The following KIF6 variants were observed in gnomAD, a reference collection of about 807,000 sequenced individuals.
KIF6 encodes kinesin family member 6.
KIF6 carries 106 observed loss-of-function variants against 112.7 expected under a neutral mutation model. The observed-to-expected ratio is 0.94, with a 90% CI of 0.80 to 1.11. The LOEUF (loss-of-function observed/expected upper bound fraction) is 1.11. Ranked by LOEUF, KIF6 falls within the 50% of genes least tolerant of loss-of-function variation. The pLI, the probability that KIF6 is intolerant of heterozygous loss-of-function variation, is 0.00. For synonymous variants in KIF6, 339 were observed against 339.9 expected (o/e 1.00, Z 0.03); for missense variants, 929 against 964.0 (o/e 0.96, Z 0.48).
chr6:39,630,654 T>A (rs1012449998), intron 5 of KIF6, among the ~76,000 whole-genome samples: 10 of 152,028 alleles, frequency 6.6e-5, no homozygotes, highest in Non-Finnish European at 1.0e-4. Flanking sequence ...TTCTTCCCAA[T>A]AACTTTAATT....
At chr6:39,392,082 T>C (rs1767942730) in intron 15 of KIF6, among the ~76,000 whole-genome samples, 1 of 152,220 alleles carries the variant, frequency 6.6e-6, no homozygotes, top group Admixed American at 6.5e-5. Flanking sequence ...GCTTTTATTG[T>C]AGGTGTTCTT....
At chr6:39,642,930 T>A (rs913020236) in intron 3 of KIF6, among the ~76,000 whole-genome samples, 2 of 152,052 alleles carry the variant, frequency 1.3e-5, no homozygotes, top group African/African-American at 4.8e-5. Context: ...CCAACAAACA[T>A]GTAGGGACCC....
Position 39,336,640 on chromosome 6 carries a change from C to T in KIF6, c.2429-92G>A, listed in dbSNP as rs1762922715. 6 of 1,148,866 alleles carry T rather than the reference C, an allele frequency of 5.2e-6. 1 individual carries two copies. In the Middle Eastern group the frequency reaches 5.7e-4, roughly 110 times the overall value. 71.2% of individuals were successfully genotyped at this position (1,148,866 alleles called of 1,614,324 possible). On this transcript the variant is annotated intron_variant, in intron 22 of 22. Coordinates refer to ENST00000287152, the MANE Select transcript of KIF6 (RefSeq NM_145027.6). ...ATCGGGGGGAGGGGAGGCCACCAGCCACTCCCCCTGGGTCTTGGGCACTGC... is the reference window on the plus strand; with the variant it reads ...ATCGGGGGGAGGGGAGGCCACCAGCTACTCCCCCTGGGTCTTGGGCACTGC...
chr6:39,442,805 C>T (rs1772002636), intron 13 of KIF6, among the ~76,000 whole-genome samples: 1 of 152,142 alleles, frequency 6.6e-6, no homozygotes, highest in South Asian at 2.1e-4. Context: ...CAGCAGTTTT[C>T]TTCAGCTTAG....
At chr6:39,717,815 G>C (rs1036443662) in intron 2 of KIF6, among the ~76,000 whole-genome samples, 2 of 152,110 alleles carry the variant, frequency 1.3e-5, no homozygotes, top group Non-Finnish European at 2.9e-5. Context: ...ATATGTGTAA[G>C]TTGAATATTT....
chr6:39,660,776 T>C (rs1052809396), intron 3 of KIF6, among the ~76,000 whole-genome samples: 6 of 152,206 alleles, frequency 3.9e-5, no homozygotes, highest in African/African-American at 1.4e-4. Flanking sequence ...TAGATTAATG[T>C]GATCCAGAAG....
intron 3 of KIF6, among the ~76,000 whole-genome samples, chr6:39,675,413 C>A (rs996720743): frequency 6.6e-6 from 1 of 152,076 alleles, no homozygotes; most frequent in Non-Finnish European, 1.5e-5. Context: ...TTGTACTACC[C>A]AAATGTCATG....
intron 3 of KIF6, among the ~76,000 whole-genome samples, chr6:39,708,769 C>T (rs906536982): frequency 1.3e-5 from 2 of 152,064 alleles, no homozygotes; most frequent in Non-Finnish European, 2.9e-5. Flanking sequence ...CTCCCTAAGT[C>T]TTTGAATGAA....
chr6:39,471,891 C>T (rs1774136191), intron 13 of KIF6, among the ~76,000 whole-genome samples: 1 of 152,160 alleles, frequency 6.6e-6, no homozygotes, highest in South Asian at 2.1e-4. Flanking sequence ...ATGTCCCTTA[C>T]TTCTTCCATT....
intron 3 of KIF6, among the ~76,000 whole-genome samples, chr6:39,660,140 G>A (rs1290990261): frequency 1.3e-5 from 2 of 152,100 alleles, no homozygotes; most frequent in African/African-American, 4.8e-5. Flanking sequence ...GTGAGACCCT[G>A]TCTCTAAAAT....
chr6:39,600,028 A>T (rs1427696259), intron 6 of KIF6, among the ~76,000 whole-genome samples: 7 of 152,166 alleles, frequency 4.6e-5, no homozygotes. Context: ...AAAATTTCTT[A>T]AACCTCAGAA....
intron 14 of KIF6, among the ~76,000 whole-genome samples, chr6:39,424,375 T>C (rs1485995385): frequency 6.6e-6 from 1 of 152,254 alleles, no homozygotes; most frequent in East Asian, 1.9e-4. Context: ...AATTGCCTGT[T>C]TACTTGTTTG....
intron 13 of KIF6, among the ~76,000 whole-genome samples, chr6:39,436,256 G>A (rs1771521843): frequency 6.6e-6 from 1 of 151,906 alleles, no homozygotes; most frequent in Non-Finnish European, 1.5e-5. Flanking sequence ...GTAGATTCTG[G>A]ATATTACTGC....
At position 39,456,366 on chromosome 6, in the gene KIF6, G is replaced by A. The variant is rs1206052215; in HGVS notation, c.1646-25205C>T. Among the ~76,000 whole-genome samples, 378 of 126,318 alleles carry A rather than the reference G, an allele frequency of 3.0e-3. 7 individuals carry two copies. The highest frequency in any genetic ancestry group is 4.2e-3 in the Non-Finnish European group (255 of 60,486). The allele number at this position is 126,318 out of a possible 152,430, so 82.9% of individuals were successfully genotyped here. A position where few individuals can be genotyped will look rare whatever the true frequency, so the allele number is the denominator to read the frequency against. Reference sequence around the variant, plus strand: ...GGCCTGCCCTAAAAGAGCTCCTGAAGGAAGCGCTAAACATGGAAAGGAACA... The same window carrying A: ...GGCCTGCCCTAAAAGAGCTCCTGAAAGAAGCGCTAAACATGGAAAGGAACA... On this transcript the variant is annotated intron_variant, in intron 13 of 22. Transcript: ENST00000287152.
chr6:39,700,552 A>G lies in KIF6; in HGVS notation c.251+14140T>C, dbSNP rs1445286532. 5.9e-5 allele frequency among the ~76,000 whole-genome samples: 9 copies of G among 152,224 alleles called. No individual in the cohort carries two copies. In the East Asian group the frequency reaches 1.7e-3, roughly 29 times the overall value. ...TCCTGTCACTTGTGGAGGTTGAACA[A>G]GAAACTGAAAGAAGCTTCATGGTAA... On this transcript the variant is annotated intron_variant, in intron 3 of 22. Coordinates refer to ENST00000287152, the MANE Select transcript of KIF6 (RefSeq NM_145027.6).
At chr6:39,431,410 T>A in intron 13 of KIF6, 1 of 366,246 alleles carries the variant, frequency 2.7e-6, no homozygotes, top group South Asian at 8.2e-5. Context: ...GGGGCGGGGT[T>A]TGGAATGCCT....
intron 4 of KIF6, among the ~76,000 whole-genome samples, chr6:39,638,446 G>A (rs888090576): frequency 2.0e-5 from 3 of 152,032 alleles, no homozygotes; most frequent in Non-Finnish European, 4.4e-5. Context: ...GAACAAAACA[G>A]GCAATGTCAG....
intron 5 of KIF6, among the ~76,000 whole-genome samples, chr6:39,614,458 A>T (rs1375028936): frequency 1.4e-4 from 22 of 152,182 alleles, no homozygotes; most frequent in Admixed American, 1.4e-3. Flanking sequence ...AAAAATGAAG[A>T]TTTTGCAAGT....
intron 16 of KIF6, among the ~76,000 whole-genome samples, chr6:39,363,329 C>T (rs555163480): frequency 1.1e-4 from 16 of 152,284 alleles, no homozygotes; most frequent in African/African-American, 1.9e-4. Context: ...GCCTGATGAA[C>T]GCAGGCCATG....
Sources: allele counts gnomAD v4.1 joint callset (sites outside exome capture counted in the v4.1 genomes callset), GRCh38; gene constraint gnomAD v4.1.1; transcripts MANE v1.5; gene names NCBI Gene and HGNC (gene_info 2026-07-23, HGNC 2026-07-21).